The following DUSP16 variants were observed in gnomAD, a reference collection of about 807,000 sequenced individuals.
The protein encoded by DUSP16 is dual specificity protein phosphatase 16.
A neutral mutation model predicts 58.3 loss-of-function variants in DUSP16; 21 were observed. The observed-to-expected ratio is 0.36, with a 90% confidence interval of 0.26 to 0.52. The LOEUF (loss-of-function observed/expected upper bound fraction) is 0.52, where lower values mean the gene tolerates loss of function less well. DUSP16 is among the 20% of genes least tolerant of loss of function. The pLI is 0.94. For missense variants in DUSP16, 726 were observed against 819.0 expected, an observed-to-expected ratio of 0.89 and a Z score of 1.39; for synonymous variants, 320 against 323.8, an observed-to-expected ratio of 0.99 and a Z score of 0.12.
chr12:12,545,991 G>C (rs1193768009), intron 1 of DUSP16, among the ~76,000 whole-genome samples: 4 of 152,074 alleles, frequency 2.6e-5, no homozygotes, highest in African/African-American at 9.7e-5. Flanking sequence ...GAATGGAAAA[G>C]AACTTGTTAT....
chr12:12,535,681 T>G (rs947343698), intron 1 of DUSP16, among the ~76,000 whole-genome samples: 4 of 152,244 alleles, frequency 2.6e-5, no homozygotes, highest in African/African-American at 9.6e-5. Flanking sequence ...GAGTAAATGT[T>G]GAAAATGACA....
At chr12:12,485,096 G>A (rs368515514) in intron 5 of DUSP16, among the ~76,000 whole-genome samples, 2 of 150,006 alleles carry the variant, frequency 1.3e-5, no homozygotes, top group African/African-American at 2.5e-5. Context: ...TGCAACCTCC[G>A]CCTCCTGGAT....
At chr12:12,546,813 T>A (rs967346254) in intron 1 of DUSP16, among the ~76,000 whole-genome samples, 1 of 152,224 alleles carries the variant, frequency 6.6e-6, no homozygotes, top group East Asian at 1.9e-4. Flanking sequence ...ATGGCAATAA[T>A]ATATAACTCC....
chr12:12,533,834 T>C (rs1944427140), intron 1 of DUSP16, among the ~76,000 whole-genome samples: 1 of 152,248 alleles, frequency 6.6e-6, no homozygotes, highest in African/African-American at 2.4e-5. Context: ...GCCTGTGTTT[T>C]TCCTACTTGT....
chr12:12,525,731 T>TACACACACAC (rs35552389), intron 1 of DUSP16, among the ~76,000 whole-genome samples: 8,416 of 146,096 alleles, frequency 0.058, 272 homozygotes, highest in Middle Eastern at 0.094. Context: ...AATATATGTA[T>TACACACACAC]ACACACACAC....
chr12:12,551,364 G>A (rs578072217), intron 1 of DUSP16, among the ~76,000 whole-genome samples: 3 of 151,508 alleles, frequency 2.0e-5, no homozygotes, highest in African/African-American at 7.3e-5. Context: ...AAATCAGCCA[G>A]GCGTGGTGGT....
chr12:12,527,802 C>T (rs1944326876), intron 1 of DUSP16, among the ~76,000 whole-genome samples: 1 of 152,144 alleles, frequency 6.6e-6, no homozygotes, highest in Non-Finnish European at 1.5e-5. Context: ...CTGGAGACAG[C>T]AGTTATCCGC....
In DUSP16 at chr12:12,558,377, A is replaced by G. The variant is rs533050192; in HGVS notation, c.-366+3740T>C. On this transcript the variant is annotated intron_variant, in intron 1 of 6. Coordinates refer to ENST00000298573, the MANE Select transcript of DUSP16 (RefSeq NM_030640.3). ...TTACCCTATCAATCACTATCCCTCA[A>G]GATTATATGTTTTTTTTTTTTTGAT... Among the ~76,000 whole-genome samples the G allele has an allele frequency of 2.1e-5, 3 of 144,722 alleles. No homozygotes were observed. In the East Asian group the frequency reaches 7.0e-4, roughly 34 times the overall value. 94.9% of individuals were successfully genotyped at this position (144,722 alleles called of 152,430 possible).
At chr12:12,521,753 T>G (rs1944240717) in intron 1 of DUSP16, among the ~76,000 whole-genome samples, 1 of 152,190 alleles carries the variant, frequency 6.6e-6, no homozygotes, top group Admixed American at 6.5e-5. Flanking sequence ...TGACCTGTAG[T>G]ATTGAATTAA....
At chr12:12,516,373 G>A (rs561643370) in intron 3 of DUSP16, among the ~76,000 whole-genome samples, 4 of 152,202 alleles carry the variant, frequency 2.6e-5, no homozygotes, top group African/African-American at 9.7e-5. Context: ...GACTTGGTTA[G>A]TAGGTTATTT....
At chr12:12,517,323 G>T (rs958271208) in intron 3 of DUSP16, among the ~76,000 whole-genome samples, 2 of 152,210 alleles carry the variant, frequency 1.3e-5, no homozygotes, top group Non-Finnish European at 2.9e-5. Flanking sequence ...ACTGTTGAAA[G>T]TCACAGGGGC....
At chr12:12,544,947 G>A (rs1203851086) in intron 1 of DUSP16, among the ~76,000 whole-genome samples, 1 of 152,058 alleles carries the variant, frequency 6.6e-6, no homozygotes, top group Admixed American at 6.5e-5. Context: ...ACATATATGG[G>A]TCTGATTCAG....
At position 12,520,921 on chromosome 12, in the gene DUSP16, G is replaced by C. The variant is rs766220479; in HGVS notation, c.178C>G (p.Gln60Glu). 4 of 1,614,196 alleles carry C rather than the reference G, an allele frequency of 2.5e-6. No homozygotes were observed. Among genetic ancestry groups the C allele is most frequent in the Non-Finnish European group, 3.4e-6 (4 of 1,180,028 alleles). The change falls in exon 2 of 7, where the codon CAG becomes GAG. Residue 60 changes from glutamine (Q) to glutamate (E), a missense_variant. Physicochemically the swap from Gln to Glu is conservative, Grantham distance 29. Coordinates refer to ENST00000298573, the MANE Select transcript of DUSP16 (RefSeq NM_030640.3). ...AGCTCTGTAATTAACACTTTGTCCT[G>C]TTGCAACCTTCGCTTCATAAGCTTG... ...CSKLMKRRLQ[Q>E]DKVLITELIQ...
At chr12:12,516,131 G>A (rs1429662116) in intron 3 of DUSP16, among the ~76,000 whole-genome samples, 2 of 150,902 alleles carry the variant, frequency 1.3e-5, no homozygotes, top group Non-Finnish European at 2.9e-5. Context: ...AGATGAGATT[G>A]CTACTGATAA....
At chr12:12,513,317 A>G (rs1944104638) in intron 3 of DUSP16, among the ~76,000 whole-genome samples, 1 of 152,214 alleles carries the variant, frequency 6.6e-6, no homozygotes, top group South Asian at 2.1e-4. Flanking sequence ...ATTTATATAC[A>G]GTGTATTTTT....
rs185923615 is a variant in DUSP16, at chr12:12,551,838, G to A, written c.-366+10279C>T. ...CTCCCGAGTAGCTAGGACTACAGGC[G>A]TGCACTGCCATGCCTGGCTAATTTT... On this transcript the variant is annotated intron_variant, in intron 1 of 6. Coordinates refer to ENST00000298573, the MANE Select transcript of DUSP16 (RefSeq NM_030640.3). Among the ~76,000 whole-genome samples, 66 of 152,000 alleles carry A rather than the reference G, an allele frequency of 4.3e-4. 1 individual carries two copies. Among genetic ancestry groups the A allele is most frequent in the Admixed American group, 2.8e-3 (43 of 15,252 alleles).
intron 5 of DUSP16, among the ~76,000 whole-genome samples, chr12:12,484,392 C>T (rs1274708626): frequency 6.6e-6 from 1 of 152,098 alleles, no homozygotes; most frequent in East Asian, 1.9e-4. Flanking sequence ...GGCAGGATGA[C>T]CCCAATATCT....
chr12:12,533,453 GC>G (rs1218759563), intron 1 of DUSP16, among the ~76,000 whole-genome samples: 5 of 152,206 alleles, frequency 3.3e-5, no homozygotes, highest in Non-Finnish European at 5.9e-5. Flanking sequence ...GACCACACCT[GC>G]TTCCAAGGCC....
chr12:12,473,882 T>C lies in DUSP16; in HGVS notation c.*2951A>G, dbSNP rs1943363582. Among the ~76,000 whole-genome samples the C allele has an allele frequency of 6.6e-6, 1 of 152,258 alleles. No individual in the cohort carries two copies. Among genetic ancestry groups the C allele is most frequent in the Non-Finnish European group, 1.5e-5 (1 of 68,034 alleles). ...TTACATGTTATATCGAAATGGGCCA[T>C]GTGTGTGTAGCTGGCCTTTTTTTTC... On this transcript the variant is annotated 3_prime_UTR_variant, in exon 7 of 7. Coordinates refer to ENST00000298573, the MANE Select transcript of DUSP16 (RefSeq NM_030640.3).
Sources: allele counts gnomAD v4.1 joint callset (sites outside exome capture counted in the v4.1 genomes callset), GRCh38; gene constraint gnomAD v4.1.1; transcripts MANE v1.5; gene names NCBI Gene and HGNC (gene_info 2026-07-23, HGNC 2026-07-21).